Variants in KIF27 observed in about 807,000 individuals in gnomAD.
The protein encoded by KIF27 is kinesin-like protein KIF27.
In KIF27, 84 loss-of-function variants were observed where a neutral mutation model predicts 141.8. The ratio of observed to expected loss-of-function variants is 0.59; its 90% confidence interval spans 0.50 to 0.71. KIF27 has a LOEUF of 0.71. Ranked by LOEUF, KIF27 falls within the 30% of genes least tolerant of loss-of-function variation. KIF27 has a pLI of 0.00. For synonymous variants in KIF27, 471 were observed against 569.5 expected, an observed-to-expected ratio of 0.83 and a Z score of 2.46; for missense variants, 1,306 against 1,628.4, an observed-to-expected ratio of 0.80 and a Z score of 3.41.
rs765013499 is a variant in KIF27 at position 83,889,172 on chromosome 9, T to C, written c.1891A>G (p.Ile631Val). Residue 631 changes from isoleucine (I) to valine (V), a missense_variant, in exon 7 of 18, where the codon ATA becomes GTA. Ile to Val is a conservative substitution (Grantham distance 29). This residue lies in a region of KIF27 where 596 missense variants were observed against 751.6 expected (regional missense o/e 0.79). Transcript: ENST00000297814. ...RTRSQMLLGH[I>V]EEQDKVLHCQ... ...TGGAGGACCTTATCTTGTTCTTCTA[T>C]GTGACCCAACAGCATCTGACTTCGT... 1.2e-5 allele frequency: 19 copies of C among 1,613,908 alleles called. No homozygotes were observed. Among genetic ancestry groups the C allele is most frequent in the Admixed American group, 6.7e-5 (4 of 60,000 alleles).
Position 83,903,413 on chromosome 9 carries a change from C to T in KIF27, c.1105G>A (p.Ala369Thr), listed in dbSNP as rs761820172. ...ACACCAGCCTGCTGGCTTTGCAAAG[C>T]TTCTCGAAGCAATTTAATCTCAAAT... ...MEFEIKLLRE[A>T]LQSQQAGVSQ... The change falls in exon 4 of 18, where the codon GCT becomes ACT. Residue 369 changes from alanine (A) to threonine (T), a missense_variant. Transcript: ENST00000297814. 6.2e-7 allele frequency: 1 copy of T among 1,614,018 alleles called. No homozygotes were observed. Among genetic ancestry groups the T allele is most frequent in the East Asian group, 2.2e-5 (1 of 44,888 alleles).
At chr9:83,865,497 A>C (rs905733045) in intron 13 of KIF27, among the ~76,000 whole-genome samples, 10 of 152,178 alleles carry the variant, frequency 6.6e-5, no homozygotes, top group Non-Finnish European at 1.3e-4. Flanking sequence ...GGGTTTCACC[A>C]TGTTGGTCAG....
chr9:83,883,616 A>C (rs1256499463), intron 10 of KIF27, among the ~76,000 whole-genome samples, 197 bp downstream of exon 10: 1 of 152,190 alleles, frequency 6.6e-6, no homozygotes, highest in South Asian at 2.1e-4. Context: ...GATTGAAAGA[A>C]GATACTTCTT....
intron 2 of KIF27, among the ~76,000 whole-genome samples, chr9:83,914,058 C>CT (rs1469669234): frequency 1.3e-5 from 2 of 151,688 alleles, no homozygotes; most frequent in Non-Finnish European, 2.9e-5. Context: ...ACTTCAATAA[C>CT]TTTTTCCCTT....
intron 13 of KIF27, chr9:83,863,793 A>G (rs1950136588): frequency 6.6e-6 from 1 of 152,156 alleles, no homozygotes; most frequent in Non-Finnish European, 1.5e-5. Context: ...TCGGCTGTGA[A>G]TCCGTCTGAT....
intron 4 of KIF27, among the ~76,000 whole-genome samples, chr9:83,901,055 C>T (rs1477922446): frequency 6.6e-6 from 1 of 152,088 alleles, no homozygotes; most frequent in Non-Finnish European, 1.5e-5. Context: ...AACTCCTGGG[C>T]TCAAGTAATC....
chr9:83,918,767 C>A (rs148892926), intron 1 of KIF27, among the ~76,000 whole-genome samples: 3 of 151,824 alleles, frequency 2.0e-5, no homozygotes, highest in Non-Finnish European at 4.4e-5. Context: ...ATGGTGTAAC[C>A]CCATTGCTAC....
At chr9:83,919,429 ATGTT>A (rs994523122) in intron 1 of KIF27, among the ~76,000 whole-genome samples, 4 of 152,230 alleles carry the variant, frequency 2.6e-5, no homozygotes, top group African/African-American at 9.6e-5. Context: ...ATCTATGACA[ATGTT>A]TGAGTGCAGA....
intron 1 of KIF27, among the ~76,000 whole-genome samples, chr9:83,917,915 A>G (rs1955855251): frequency 6.6e-6 from 1 of 152,228 alleles, no homozygotes; most frequent in Admixed American, 6.5e-5. Flanking sequence ...ACCAAAAGCA[A>G]TAAAATAAAA....
intron 10 of KIF27, among the ~76,000 whole-genome samples, chr9:83,881,353 G>T (rs1263122720): frequency 6.6e-6 from 1 of 152,128 alleles, no homozygotes; most frequent in African/African-American, 2.4e-5. Context: ...AAAGGTAAAG[G>T]GATGTCATTC....
chr9:83,907,552 C>T (rs1460055914), intron 3 of KIF27, among the ~76,000 whole-genome samples: 1 of 151,812 alleles, frequency 6.6e-6, no homozygotes. Flanking sequence ...CCATTCTAAC[C>T]TTCTCCCATT....
At chr9:83,876,769 T>C (rs1489174849) in intron 11 of KIF27, among the ~76,000 whole-genome samples, 2 of 152,210 alleles carry the variant, frequency 1.3e-5, no homozygotes, top group Admixed American at 6.5e-5. Flanking sequence ...CTATGGCCAG[T>C]TGATTTTTTA....
intron 2 of KIF27, among the ~76,000 whole-genome samples, chr9:83,911,450 C>T (rs994313993): frequency 3.9e-5 from 6 of 151,944 alleles, no homozygotes; most frequent in Non-Finnish European, 7.4e-5. Flanking sequence ...AGGATGATCT[C>T]GATTTTCTGA....
intron 17 of KIF27, among the ~76,000 whole-genome samples, chr9:83,838,343 C>T (rs989748258): frequency 5.9e-5 from 9 of 152,268 alleles, no homozygotes; most frequent in African/African-American, 2.2e-4. Context: ...ACGCCATTCT[C>T]CTGCCTCAGC....
At chr9:83,877,041 C>T (rs1376507978) in intron 11 of KIF27, among the ~76,000 whole-genome samples, 1 of 152,100 alleles carries the variant, frequency 6.6e-6, no homozygotes, top group East Asian at 1.9e-4. Context: ...CATGGCACCG[C>T]ACTTCAGCCT....
intron 11 of KIF27, among the ~76,000 whole-genome samples, chr9:83,874,797 G>A (rs1164516196): frequency 6.7e-6 from 1 of 149,902 alleles, no homozygotes; most frequent in Non-Finnish European, 1.5e-5. Flanking sequence ...TGTGAGGTAC[G>A]CTGGCATGTG....
In KIF27 at chr9:83,841,306, G is replaced by A. The variant is rs944587127; in HGVS notation, c.3721+931C>T. Among the ~76,000 whole-genome samples, 14 of 152,206 alleles carry A rather than the reference G, an allele frequency of 9.2e-5. 1 individual carries two copies. The South Asian group carries it at 1.2e-3, about 14-fold the overall frequency. On this transcript the variant is annotated intron_variant, in intron 17 of 17. Transcript: ENST00000297814. ...GGTTGGTCTCGAACTCCTAACCTCC[G>A]GTGATCCACCCGCCTTGGCCTCCCA...
intron 11 of KIF27, among the ~76,000 whole-genome samples, chr9:83,876,496 C>A (rs1474793376): frequency 4.6e-5 from 7 of 152,180 alleles, no homozygotes; most frequent in African/African-American, 1.7e-4. Flanking sequence ...CTACTCAGAG[C>A]AATCTAGAGA....
At chr9:83,858,319 C>T (rs1949495161) in intron 14 of KIF27, 1 of 152,228 alleles carries the variant, frequency 6.6e-6, no homozygotes, top group Non-Finnish European at 1.5e-5. Context: ...GCCCCTATAA[C>T]TTCCTGTCAC....
Sources: gnomAD v4.1 joint callset for allele counts (sites outside exome capture counted in the v4.1 genomes callset) on GRCh38, gnomAD v4.1.1 for gene constraint, gnomAD v4.1.1 regional missense constraint, MANE v1.5 for transcripts, NCBI Gene and HGNC (gene_info 2026-07-23, HGNC 2026-07-21) for gene names.